Variants in ZNF800 observed in about 807,000 individuals in gnomAD.
ZNF800 encodes zinc finger protein 800.
Under a neutral mutation model 59.5 loss-of-function variants are expected in ZNF800, and 13 were observed. The ratio of observed to expected loss-of-function variants is 0.22; its 90% CI spans 0.14 to 0.35. ZNF800 has a LOEUF of 0.35. ZNF800 is among the 10% of genes least tolerant of loss of function. The pLI, the probability that ZNF800 is intolerant of heterozygous loss-of-function variation, is 1.00. For synonymous variants in ZNF800, 266 were observed against 265.7 expected (o/e 1.00, Z -0.01); for missense variants, 621 against 783.7 (o/e 0.79, Z 2.48).
At chr7:127,356,993 C>G (rs1400006856) in intron 1 of ZNF800, among the ~76,000 whole-genome samples, 1 of 151,978 alleles carries the variant, frequency 6.6e-6, no homozygotes, top group Non-Finnish European at 1.5e-5. Context: ...AAGTTGGATA[C>G]AGACCAATGG....
Position 127,370,905 on chromosome 7 carries a change from G to T in ZNF800, c.*909C>A, listed in dbSNP as rs1011990332. On this transcript the variant is annotated 3_prime_UTR_variant, in exon 6 of 6. Coordinates refer to ENST00000265827, the MANE Select transcript of ZNF800 (RefSeq NM_176814.5). ...GAAAAAAAAATCAGGGCTTACACCC[G>T]CATCTTCCTTTTGTAGCAATATTTA... The T allele has an allele frequency of 1.3e-5, 2 of 152,358 alleles. No homozygotes were observed. Among genetic ancestry groups the T allele is most frequent in the African/African-American group, 4.8e-5 (2 of 41,388 alleles). 9.4% of individuals were successfully genotyped at this position (152,358 alleles called of 1,614,324 possible).
chr7:127,358,484 T>C (rs549638655), intron 1 of ZNF800, among the ~76,000 whole-genome samples: 75 of 152,070 alleles, frequency 4.9e-4, no homozygotes, highest in Non-Finnish European at 1.0e-3. Context: ...TGCTATTATA[T>C]GTCCCTGTTT....
chr7:127,356,842 T>G (rs1800281221), intron 1 of ZNF800, among the ~76,000 whole-genome samples: 1 of 152,036 alleles, frequency 6.6e-6, no homozygotes. Context: ...TATCCTCTTC[T>G]AATTCAGGTC....
In ZNF800 at chr7:127,374,499, C is replaced by G; in HGVS notation, c.837G>C (p.Lys279Asn). The part of the protein sequence containing the change: ...NPNQSSKGRS[K>N]NVLVPLSRSC... ...TCCTACTTAATGGAACTAGAACATTCTTACTGCGTCCTTTAGAGGATTGGT... is the reference window on the plus strand; with the variant it reads ...TCCTACTTAATGGAACTAGAACATTGTTACTGCGTCCTTTAGAGGATTGGT... The change falls in exon 5 of 6, where the codon AAG becomes AAC. Residue 279 changes from lysine to asparagine, a missense_variant. Physicochemically the swap from Lys to Asn is moderately conservative, Grantham distance 94. Transcript: ENST00000265827. The G allele has an allele frequency of 6.2e-7, 1 of 1,614,150 alleles. No individual in the cohort carries two copies. Among genetic ancestry groups the G allele is most frequent in the Non-Finnish European group, 8.5e-7 (1 of 1,179,994 alleles).
rs1331536050 is a variant in ZNF800 at position 127,392,325 on chromosome 7, G to A, written c.-324C>T. The A allele has an allele frequency of 2.3e-5, 9 of 384,372 alleles. No homozygotes were observed. The highest frequency in any genetic ancestry group is 3.7e-5 in the Non-Finnish European group (8 of 217,102). 23.8% of individuals were successfully genotyped at this position (384,372 alleles called of 1,614,324 possible). The stretch of plus-strand genomic sequence containing the variant: ...CGGCGTCCTCCGCGCTGTGTGGCTA[G>A]GCGGGAGGCGCGCGGGCGGAGGCAG... On this transcript the variant is annotated 5_prime_UTR_variant, in exon 1 of 6. Transcript: ENST00000265827.
chr7:127,358,942 T>C lies in ZNF800; in HGVS notation n.225-10899A>G, dbSNP rs144839423. On this transcript the variant is annotated intron_variant and non_coding_transcript_variant, in intron 1 of 1. Coordinates refer to the ZNF800 transcript ENST00000485577. ...GAACAAGCTCTGCCAAAAAAATTGT[T>C]TAATTTGCTTATTATTACTAATCTG... 8.6e-4 allele frequency among the ~76,000 whole-genome samples: 131 copies of C among 152,266 alleles called. 3 individuals carry two copies. Among genetic ancestry groups the C allele is most frequent in the African/African-American group, 3.1e-3 (127 of 41,558 alleles).
chr7:127,378,213 G>A (rs1377949890), intron 3 of ZNF800, among the ~76,000 whole-genome samples: 1 of 151,952 alleles, frequency 6.6e-6, no homozygotes, highest in Non-Finnish European at 1.5e-5. Context: ...GGGAACCTAA[G>A]TACTATGAAA....
chr7:127,392,132 G>A lies in ZNF800; in HGVS notation c.-131C>T. 2.5e-6 allele frequency: 1 copy of A among 394,276 alleles called. No individual in the cohort carries two copies. Among genetic ancestry groups the A allele is most frequent in the Non-Finnish European group, 4.5e-6 (1 of 223,354 alleles). The allele number at this position is 394,276 out of a possible 1,614,324, so 24.4% of individuals were successfully genotyped here. ...GCCGGGCGGCCGCGGGGACAGCCTGGCGTGGGAGGCGGCTGCGGGCCCCAC... is the reference window on the plus strand; with the variant it reads ...GCCGGGCGGCCGCGGGGACAGCCTGACGTGGGAGGCGGCTGCGGGCCCCAC... On this transcript the variant is annotated 5_prime_UTR_variant, in exon 1 of 6. Coordinates refer to ENST00000265827, the MANE Select transcript of ZNF800 (RefSeq NM_176814.5).
chr7:127,349,226 T>A (rs1800127923), intron 1 of ZNF800, among the ~76,000 whole-genome samples: 1 of 152,172 alleles, frequency 6.6e-6, no homozygotes, highest in Admixed American at 6.5e-5. Context: ...TTGAAATAAT[T>A]GAATGGGATC....
Position 127,391,506 on chromosome 7 carries a change from A to G in ZNF800, c.52T>C (p.Cys18Arg), listed in dbSNP as rs541202598. Residue 18 changes from cysteine (C) to arginine (R), a missense_variant, in exon 2 of 6, where the codon TGT becomes CGT. This residue lies in a region of ZNF800 where 57 missense variants were observed against 77.1 expected (regional missense o/e 0.74). Transcript: ENST00000265827. ...ACGAAGAGGGGTCTACCTGGTTCACAGCATCCGTGATGATGGTGGTCAGTC... is the reference window on the plus strand; with the variant it reads ...ACGAAGAGGGGTCTACCTGGTTCACGGCATCCGTGATGATGGTGGTCAGTC... ...CQTDHHHHGC[C>R]EPVYILEPGD... 6.2e-7 allele frequency: 1 copy of G among 1,614,158 alleles called. No homozygotes were observed. Among genetic ancestry groups the G allele is most frequent in the Non-Finnish European group, 8.5e-7 (1 of 1,180,020 alleles).
intron 1 of ZNF800, chr7:127,360,753 A>T (rs1800377829): frequency 6.6e-6 from 1 of 152,196 alleles, no homozygotes; most frequent in Non-Finnish European, 1.5e-5. Flanking sequence ...GAGAACTAAA[A>T]TATGAAAAAA....
downstream of ZNF800, among the ~76,000 whole-genome samples, chr7:127,366,425 G>T (rs1389290786): frequency 1.3e-5 from 2 of 152,116 alleles, no homozygotes; most frequent in Non-Finnish European, 1.5e-5. Context: ...CTAATATGCT[G>T]CTACAAAAAA....
rs1487232163 is a variant in ZNF800, at chr7:127,377,891, C to T, written c.158-562G>A. Among the ~76,000 whole-genome samples, 1 of 151,990 alleles carries T rather than the reference C, an allele frequency of 6.6e-6. No homozygotes were observed. Among genetic ancestry groups the T allele is most frequent in the Non-Finnish European group, 1.5e-5 (1 of 67,916 alleles). On this transcript the variant is annotated intron_variant, in intron 3 of 5. Coordinates refer to ENST00000265827, the MANE Select transcript of ZNF800 (RefSeq NM_176814.5). This position sits in a 1 kb window ranked among gnomAD's most constrained non-coding sequence, Gnocchi z 4.7. ...AATTCAGCTCAAATTACTTCAGGTT[C>T]TGGGCCAACATGGGATTATGGCTAT...
At chr7:127,344,653 G>C (rs1465263824), downstream of ZNF800, among the ~76,000 whole-genome samples, 4 of 152,170 alleles carry the variant, frequency 2.6e-5, no homozygotes, top group South Asian at 6.2e-4. Context: ...TAACAGCATG[G>C]TTAAGGAATA....
chr7:127,383,566 T>A (rs1801035774), intron 3 of ZNF800, among the ~76,000 whole-genome samples: 1 of 152,180 alleles, frequency 6.6e-6, no homozygotes, highest in South Asian at 2.1e-4. Context: ...CTAGAAGGGA[T>A]CTTTGTCCCC....
downstream of ZNF800, among the ~76,000 whole-genome samples, chr7:127,346,578 C>T (rs1478086183): frequency 5.3e-5 from 8 of 152,084 alleles, no homozygotes. Context: ...AAGACAGGGG[C>T]TGATAAACAG....
At chr7:127,362,598 G>C (rs1392048848) in intron 1 of ZNF800, 2 of 152,048 alleles carry the variant, frequency 1.3e-5, no homozygotes, top group African/African-American at 4.8e-5. Context: ...CATTGTGCTA[G>C]GCCCAGGGTC....
chr7:127,371,858 TA>T (rs1587436766), intron 5 of ZNF800, 44 bp from the exon 6 acceptor site: 1 of 740,780 alleles, frequency 1.3e-6, no homozygotes, highest in Non-Finnish European at 2.5e-6. Context: ...AGTTTACTAA[TA>T]AAACCTAGTT....
chr7:127,388,180 A>G (rs576674551), intron 2 of ZNF800, among the ~76,000 whole-genome samples: 1 of 152,326 alleles, frequency 6.6e-6, no homozygotes, highest in South Asian at 2.1e-4. Context: ...CAACTGCTTA[A>G]AACAGCCTGG....
Sources: gnomAD v4.1 joint callset for allele counts (sites outside exome capture counted in the v4.1 genomes callset) on GRCh38, gnomAD v4.1.1 for gene constraint, gnomAD v4.1.1 regional missense constraint, Gnocchi (gnomAD v3.1) non-coding constraint, MANE v1.5 for transcripts, NCBI Gene and HGNC (gene_info 2026-07-23, HGNC 2026-07-21) for gene names.